Variants in MOXD1 observed in about 807,000 individuals in gnomAD.
The protein encoded by MOXD1 is DBH-like monooxygenase protein 1.
Under a neutral mutation model 66.6 loss-of-function variants are expected in MOXD1, and 62 were observed. That is an observed-to-expected ratio of 0.93 (90% CI 0.76 to 1.15). The LOEUF is 1.15. Ranked by LOEUF, MOXD1 falls within the 50% of genes most tolerant of loss-of-function variation. The pLI is 0.00. For missense variants in MOXD1, 847 were observed against 754.6 expected (o/e 1.12, Z -1.44); for synonymous variants, 303 against 281.9 (o/e 1.07, Z -0.75).
intron 10 of MOXD1, among the ~76,000 whole-genome samples, chr6:132,315,035 T>G (rs1774910571): frequency 6.6e-6 from 1 of 152,216 alleles, no homozygotes; most frequent in South Asian, 2.1e-4. Context: ...TGACATAAAC[T>G]TTCTCTAATG....
intron 4 of MOXD1, among the ~76,000 whole-genome samples, chr6:132,347,275 T>C (rs1324871513): frequency 6.6e-6 from 1 of 152,188 alleles, no homozygotes; most frequent in Admixed American, 6.5e-5. Context: ...CTACCTTTCT[T>C]ATCTGTACAG....
rs1419092938 is a variant in MOXD1 at position 132,328,557 on chromosome 6, A to G, written c.701T>C (p.Val234Ala). The change falls in exon 5 of 12, where the codon GTG becomes GCG. Residue 234 changes from valine (V) to alanine (A), a missense_variant. Coordinates refer to ENST00000367963, the MANE Select transcript of MOXD1 (RefSeq NM_015529.4). ...GCACTGATAGAGCAGGATGTGGTGC[A>G]CCAGACTCTCATGGCCTCTCTGTAT... ...PVIQRGHESL[V>A]HHILLYQCSN... 2 of 1,614,036 alleles carry G rather than the reference A, an allele frequency of 1.2e-6. No homozygotes were observed. The highest frequency in any genetic ancestry group is 1.7e-6 in the Non-Finnish European group (2 of 1,180,030).
At chr6:132,316,158 T>C (rs1287153070) in intron 9 of MOXD1, among the ~76,000 whole-genome samples, 1 of 131,898 alleles carries the variant, frequency 7.6e-6, no homozygotes, top group Non-Finnish European at 1.5e-5. Context: ...GTATAAACAT[T>C]AGCAGCTGCA....
At chr6:132,401,109 G>T in intron 1 of MOXD1, 54 bp downstream of exon 1, 1 of 1,424,386 alleles carries the variant, frequency 7.0e-7, no homozygotes, top group Non-Finnish European at 9.1e-7. Context: ...CCCTCTCTGG[G>T]GTCCGGACGG....
intron 1 of MOXD1, among the ~76,000 whole-genome samples, chr6:132,386,883 C>T (rs1423662480): frequency 6.6e-6 from 1 of 151,140 alleles, no homozygotes; most frequent in Non-Finnish European, 1.5e-5. Flanking sequence ...TTTATTGGGT[C>T]TTCTCTTCTT....
At chr6:132,328,817 A>C (rs1254828191) in intron 4 of MOXD1, among the ~76,000 whole-genome samples, 1 of 152,226 alleles carries the variant, frequency 6.6e-6, no homozygotes, top group Non-Finnish European at 1.5e-5. Flanking sequence ...ATAACCATTT[A>C]ATCCAAGAAA....
rs1775747650 is a variant in MOXD1, at chr6:132,349,432, T to TAC, written c.664-20839_664-20838insGT. 8.9e-4 allele frequency among the ~76,000 whole-genome samples: 23 copies of TAC among 25,856 alleles called. 2 individuals carry two copies. The highest frequency in any genetic ancestry group is 6.0e-3 in the African/African-American group (23 of 3,846). The allele number at this position is 25,856 out of a possible 152,430, so 17.0% of individuals were successfully genotyped here. A position where few individuals can be genotyped will look rare whatever the true frequency, so the allele number is the denominator to read the frequency against. On this transcript the variant is annotated intron_variant, in intron 4 of 11. Coordinates refer to ENST00000367963, the MANE Select transcript of MOXD1 (RefSeq NM_015529.4). ...ATATATATATATATACATATATATA[T>TAC]ATACATATATATATATATACATATA... is the stretch of plus-strand genomic sequence containing the variant.
At chr6:132,307,052 C>T (rs1774708431) in intron 10 of MOXD1, among the ~76,000 whole-genome samples, 1 of 151,818 alleles carries the variant, frequency 6.6e-6, no homozygotes, top group South Asian at 2.1e-4. Context: ...GGCTAAAGGC[C>T]CCAATTAAAA....
At chr6:132,312,632 G>T (rs1774855758) in intron 10 of MOXD1, among the ~76,000 whole-genome samples, 1 of 149,338 alleles carries the variant, frequency 6.7e-6, no homozygotes. Context: ...TTTTGGCAGG[G>T]GAGAATGACA....
intron 1 of MOXD1, among the ~76,000 whole-genome samples, chr6:132,376,501 CTTTTTTTTTTT>C (rs1166086289): frequency 6.7e-4 from 44 of 65,360 alleles, no homozygotes; most frequent in South Asian, 5.1e-4. Flanking sequence ...ACTACAGCTT[CTTTTTTTTTTT>C]TTTTTTTTTT....
At chr6:132,320,149 G>T (rs747750605) in intron 9 of MOXD1, among the ~76,000 whole-genome samples, 12 of 152,190 alleles carry the variant, frequency 7.9e-5, no homozygotes, top group Non-Finnish European at 1.5e-4. Flanking sequence ...CTCTTTTAGT[G>T]TTCCTGAAAG....
At chr6:132,317,481 T>C (rs376848844) in intron 9 of MOXD1, among the ~76,000 whole-genome samples, 9 of 152,264 alleles carry the variant, frequency 5.9e-5, no homozygotes, top group African/African-American at 2.2e-4. Context: ...CAACTAGTCA[T>C]TGACTGCTGG....
chr6:132,358,639 G>T (rs1775953740), intron 4 of MOXD1, among the ~76,000 whole-genome samples: 1 of 152,146 alleles, frequency 6.6e-6, no homozygotes, highest in Non-Finnish European at 1.5e-5. Context: ...TAAGGGAAAA[G>T]TAAAGGGGCA....
At chr6:132,315,804 AG>A in intron 9 of MOXD1, 27 bp from the exon 10 acceptor site, 1 of 1,611,306 alleles carries the variant, frequency 6.2e-7, no homozygotes, top group Non-Finnish European at 8.5e-7. Flanking sequence ...TATTTAGCAA[AG>A]TATGTGTTCT....
chr6:132,384,420 C>G (rs1776582711), intron 1 of MOXD1, among the ~76,000 whole-genome samples: 1 of 152,184 alleles, frequency 6.6e-6, no homozygotes, highest in African/African-American at 2.4e-5. Flanking sequence ...GGATACATGA[C>G]TATACTGGAC....
At chr6:132,347,190 G>A (rs889974672) in intron 4 of MOXD1, among the ~76,000 whole-genome samples, 10 of 152,088 alleles carry the variant, frequency 6.6e-5, no homozygotes, top group African/African-American at 2.4e-4. Context: ...AAATTAACAC[G>A]TATTCTTAGT....
chr6:132,367,582 C>A (rs1409673912), intron 4 of MOXD1, among the ~76,000 whole-genome samples: 3 of 151,982 alleles, frequency 2.0e-5, no homozygotes, highest in African/African-American at 7.2e-5. Context: ...CTTTTCCGGG[C>A]CTTCTCACTA....
intron 2 of MOXD1, among the ~76,000 whole-genome samples, chr6:132,374,326 A>G (rs913829892): frequency 1.3e-5 from 2 of 152,116 alleles, no homozygotes; most frequent in African/African-American, 4.8e-5. Flanking sequence ...TCTGTTGTGT[A>G]TTTTCAAACT....
chr6:132,328,374 A>T (rs1489351157), intron 5 of MOXD1, 41 bp downstream of exon 5: 1 of 1,591,796 alleles, frequency 6.3e-7, no homozygotes, highest in Non-Finnish European at 8.6e-7. Flanking sequence ...GGGAAATATG[A>T]TCAGTTAATT....
Sources: allele counts gnomAD v4.1 joint callset (sites outside exome capture counted in the v4.1 genomes callset), GRCh38; gene constraint gnomAD v4.1.1; transcripts MANE v1.5; gene names NCBI Gene and HGNC (gene_info 2026-07-23, HGNC 2026-07-21).